UNC79: variants seen among roughly 807,000 people sequenced by gnomAD.
UNC79 encodes the protein protein unc-79 homolog.
Under a neutral mutation model 283.1 loss-of-function variants are expected in UNC79, and 37 were observed. The observed-to-expected ratio is 0.13, with a 90% confidence interval of 0.10 to 0.17. UNC79 has a LOEUF of 0.17. UNC79 is among the 10% of genes least tolerant of loss of function. The pLI is 1.00. For synonymous variants in UNC79, 1,107 were observed against 1,200.2 expected (o/e 0.92, Z 1.61); for missense variants, 2,272 against 3,211.1 (o/e 0.71, Z 7.07).
At chr14:93,602,081 T>C (rs2065548995) in intron 25 of UNC79, among the ~76,000 whole-genome samples, 1 of 152,218 alleles carries the variant, frequency 6.6e-6, no homozygotes, top group African/African-American at 2.4e-5. Flanking sequence ...TTATTTTGTT[T>C]GCTGTGCAGA....
intron 1 of UNC79, among the ~76,000 whole-genome samples, chr14:93,354,863 G>T (rs1204640237): frequency 1.3e-5 from 2 of 152,226 alleles, no homozygotes; most frequent in East Asian, 1.9e-4. Context: ...ACAGGAAAGG[G>T]TTAGGATCTG....
At chr14:93,460,698 A>G (rs2056938466) in intron 1 of UNC79, among the ~76,000 whole-genome samples, 1 of 151,962 alleles carries the variant, frequency 6.6e-6, no homozygotes, top group Admixed American at 6.6e-5. Flanking sequence ...CAATCCCATA[A>G]CTAAAAATTT....
chr14:93,337,250 T>TA (rs2053598345), intron 1 of UNC79, among the ~76,000 whole-genome samples: 1 of 152,244 alleles, frequency 6.6e-6, no homozygotes. Flanking sequence ...CACAGACTCA[T>TA]AGAGTCTACG....
chr14:93,615,744 A>AAG (rs2066671256), intron 27 of UNC79, among the ~76,000 whole-genome samples: 4 of 141,650 alleles, frequency 2.8e-5, no homozygotes, highest in African/African-American at 8.5e-5. Context: ...AAAAAAAAAA[A>AAG]AGAAAAGAAG....
rs1376230895 is a variant in UNC79, at chr14:93,590,783, T to TGG, written c.3033-2895_3033-2894dup. 3.9e-5 allele frequency among the ~76,000 whole-genome samples: 6 copies of TGG among 152,236 alleles called. No individual in the cohort carries two copies. The East Asian group carries it at 1.2e-3, about 29-fold the overall frequency. On this transcript the variant is annotated intron_variant, in intron 22 of 48. Transcript: ENST00000555664. ...AAGGCGAATGGGACTGGCCGAATCT[T>TGG]GGGCTTTGTCATGGAAATGGTTTTC...
At chr14:93,623,759 G>T (rs566784358) in intron 30 of UNC79, among the ~76,000 whole-genome samples, 63 of 152,288 alleles carry the variant, frequency 4.1e-4, no homozygotes, top group African/African-American at 1.4e-3. Context: ...TGGGCGTGGT[G>T]GCGCACGCCT....
chr14:93,664,187 T>A (rs1157840770), intron 40 of UNC79, among the ~76,000 whole-genome samples: 2 of 152,198 alleles, frequency 1.3e-5, no homozygotes, highest in Non-Finnish European at 2.9e-5. Flanking sequence ...CAGTAGCTAA[T>A]TGAGCTGTCT....
rs1398746698 is a variant in UNC79, at chr14:93,618,271, A to G, written c.4304A>G (p.Tyr1435Cys). ...ACAGTCAATACACTCAATGCGCAGT[A>G]TCATAGCTGCAAGCCCCATGCCACG... The change falls in exon 29 of 49, where the codon TAT (tyrosine) becomes TGT (cysteine). Residue 1435 changes from tyrosine to cysteine, a missense_variant. Coordinates refer to ENST00000555664, the Ensembl canonical transcript of UNC79. 1.1e-5 allele frequency: 17 copies of G among 1,614,150 alleles called. No individual in the cohort carries two copies. The highest frequency in any genetic ancestry group is 1.4e-5 in the Non-Finnish European group (17 of 1,180,006).
intron 16 of UNC79, among the ~76,000 whole-genome samples, chr14:93,574,256 A>T (rs2063354280): frequency 1.3e-5 from 2 of 152,168 alleles, no homozygotes; most frequent in South Asian, 4.1e-4. Flanking sequence ...GCTTTCATCC[A>T]GCCTTGGTTT....
intron 1 of UNC79, among the ~76,000 whole-genome samples, chr14:93,394,398 TTTATTTTATTTTATC>T: frequency 6.9e-6 from 1 of 144,154 alleles, no homozygotes. Context: ...TTTATTTTAT[TTTATTTTATTTTATC>T]TTATTTATTT....
At chr14:93,575,282 C>A in intron 17 of UNC79, 84 bp downstream of exon 17, 1 of 1,549,742 alleles carries the variant, frequency 6.5e-7, no homozygotes, top group Non-Finnish European at 8.8e-7. Context: ...AAAGTACTGT[C>A]ATAAGAAACC....
At chr14:93,505,153 A>G (rs2140759784) in intron 7 of UNC79, among the ~76,000 whole-genome samples, 1 of 152,254 alleles carries the variant, frequency 6.6e-6, no homozygotes, top group South Asian at 2.1e-4. Context: ...GCAGTGTTCT[A>G]CATGTGTCAA....
intron 8 of UNC79, among the ~76,000 whole-genome samples, 175 bp from the exon 9 acceptor site, chr14:93,528,383 G>C (rs2060641100): frequency 6.6e-6 from 1 of 152,164 alleles, no homozygotes; most frequent in Non-Finnish European, 1.5e-5. Context: ...TCCTCAGGGT[G>C]GACTCATCAG....
At chr14:93,579,162 G>A (rs1475830375) in intron 18 of UNC79, among the ~76,000 whole-genome samples, 1 of 152,092 alleles carries the variant, frequency 6.6e-6, no homozygotes. Flanking sequence ...TATGTCCTTT[G>A]TAATGCATCA....
chr14:93,477,749 T>C (rs767438648), intron 4 of UNC79, 21 bp downstream of exon 4: 4 of 1,594,288 alleles, frequency 2.5e-6, no homozygotes, highest in South Asian at 1.1e-5. Context: ...TCTTACCTAA[T>C]ACTAGATTAT....
At chr14:93,668,400 A>G (rs1471246951) in intron 40 of UNC79, among the ~76,000 whole-genome samples, 1 of 152,190 alleles carries the variant, frequency 6.6e-6, no homozygotes, top group Non-Finnish European at 1.5e-5. Context: ...TTGTGGTGAC[A>G]AAAGATAAAT....
chr14:93,671,651 A>G (rs2072875079), intron 40 of UNC79, among the ~76,000 whole-genome samples: 1 of 152,114 alleles, frequency 6.6e-6, no homozygotes, highest in Admixed American at 6.5e-5. Flanking sequence ...ACATGTCTGT[A>G]ATCCCAGCTA....
chr14:93,672,574 AGAAATGAGTTCTAAT>A (rs1350650791), intron 40 of UNC79, among the ~76,000 whole-genome samples: 1 of 152,202 alleles, frequency 6.6e-6, no homozygotes, highest in Admixed American at 6.5e-5. Context: ...GTTAGATAGA[AGAAATGAGTTCTAAT>A]GTTCAATAGC....
At chr14:93,568,618 C>T (rs1158842863) in intron 14 of UNC79, among the ~76,000 whole-genome samples, 1 of 151,974 alleles carries the variant, frequency 6.6e-6, no homozygotes, top group Non-Finnish European at 1.5e-5. Context: ...CTGCAGTGAG[C>T]CCAGATCACA....
Sources: gnomAD v4.1 joint callset for allele counts (sites outside exome capture counted in the v4.1 genomes callset) on GRCh38, gnomAD v4.1.1 for gene constraint, MANE v1.5 for transcripts, NCBI Gene and HGNC (gene_info 2026-07-23, HGNC 2026-07-21) for gene names.